Variants in CFAP263 observed in about 807,000 individuals in gnomAD.
The protein encoded by CFAP263 is cilia- and flagella-associated protein 263.
chr16:58,264,304 C>T, the CFAP263 span, among the ~76,000 whole-genome samples: 2 of 152,118 alleles, frequency 1.3e-5, no homozygotes, highest in Admixed American at 6.5e-5. Context: ...CCTGCCTGGT[C>T]CTGTGGGGGA....
chr16:58,281,062 C>T, the CFAP263 span: 1 of 330,250 alleles, frequency 3.0e-6, no homozygotes, highest in African/African-American at 2.1e-5. Context: ...CTTCTGGCTT[C>T]TCATTCCTGA....
At chr16:58,271,808 T>C in the CFAP263 span, among the ~76,000 whole-genome samples, 4 of 152,186 alleles carry the variant, frequency 2.6e-5, no homozygotes, top group African/African-American at 9.7e-5. Context: ...ATGGATAGTA[T>C]GTTATAGATT....
At chr16:58,273,919 C>A in the CFAP263 span, among the ~76,000 whole-genome samples, 1 of 152,212 alleles carries the variant, frequency 6.6e-6, no homozygotes, top group Non-Finnish European at 1.5e-5. Context: ...TGTTTCTCCT[C>A]ACATGGTACA....
the CFAP263 span, chr16:58,254,002 G>A: frequency 6.8e-6 from 11 of 1,613,952 alleles, no homozygotes; most frequent in African/African-American, 4.0e-5. Context: ...TTGCAGTTTC[G>A]AGGCAGGCGT....
chr16:58,267,489 A>G, the CFAP263 span: 4 of 1,612,508 alleles, frequency 2.5e-6, no homozygotes, highest in Non-Finnish European at 2.5e-6. Flanking sequence ...AGCAAGCTTC[A>G]CAAGGCAATG....
chr16:58,271,772 C>G, the CFAP263 span, among the ~76,000 whole-genome samples: 1 of 152,166 alleles, frequency 6.6e-6, no homozygotes, highest in Non-Finnish European at 1.5e-5. Context: ...CATGACTCAT[C>G]ATTGATGTGA....
the CFAP263 span, among the ~76,000 whole-genome samples, chr16:58,256,913 A>G: frequency 6.6e-6 from 1 of 151,982 alleles, no homozygotes; most frequent in African/African-American, 2.4e-5. Flanking sequence ...AAGCTAAAAG[A>G]ACATTTGAAA....
chr16:58,272,084 G>A, the CFAP263 span, among the ~76,000 whole-genome samples: 33 of 150,058 alleles, frequency 2.2e-4, no homozygotes, highest in South Asian at 2.8e-3. Context: ...GCGTGATCTC[G>A]GCTCACTGCA....
chr16:58,250,713 C>T, the CFAP263 span, among the ~76,000 whole-genome samples: 1 of 146,544 alleles, frequency 6.8e-6, no homozygotes, highest in Non-Finnish European at 1.5e-5. Flanking sequence ...TGCAGTGAGC[C>T]GAGATTGTGC....
chr16:58,264,813 TA>T, the CFAP263 span, among the ~76,000 whole-genome samples: 4 of 152,170 alleles, frequency 2.6e-5, no homozygotes, highest in South Asian at 6.2e-4. Flanking sequence ...AATAAAGAAA[TA>T]AATATCAAAC....
chr16:58,258,487 A>T, the CFAP263 span: 1 of 1,614,054 alleles, frequency 6.2e-7, no homozygotes, highest in South Asian at 1.1e-5. Context: ...CCACTCAGAA[A>T]GTGATGAAAT....
the CFAP263 span, chr16:58,279,599 A>G: frequency 9.4e-7 from 1 of 1,060,408 alleles, no homozygotes; most frequent in Non-Finnish European, 1.3e-6. Flanking sequence ...TGAGGGCTGC[A>G]TTCTCAGTAG....
At chr16:58,253,004 G>A in the CFAP263 span, 1 of 734,722 alleles carries the variant, frequency 1.4e-6, no homozygotes, top group South Asian at 1.8e-5. Context: ...GCCCTCTAGG[G>A]TTTCTCTTTC....
the CFAP263 span, among the ~76,000 whole-genome samples, chr16:58,277,201 TTACTGCAACCTC>T: frequency 6.6e-6 from 1 of 152,086 alleles, no homozygotes; most frequent in African/African-American, 2.4e-5. Context: ...TGATCTCGGC[TTACTGCAACCTC>T]CACCTCCAGG....
chr16:58,281,769 A>G, the CFAP263 span: 1 of 152,532 alleles, frequency 6.6e-6, no homozygotes, highest in Non-Finnish European at 1.5e-5. Context: ...CTGAACCACG[A>G]GCAGCAGAAA....
the CFAP263 span, among the ~76,000 whole-genome samples, chr16:58,256,620 A>G: frequency 2.0e-5 from 3 of 152,330 alleles, no homozygotes; most frequent in African/African-American, 7.2e-5. Context: ...TTGATGTCTT[A>G]GAAAGCTGGA....
the CFAP263 span, chr16:58,262,635 G>A: frequency 1.6e-6 from 2 of 1,216,240 alleles, no homozygotes; most frequent in Non-Finnish European, 2.3e-6. Flanking sequence ...GTTTCACACA[G>A]CGTTTGGGTG....
At chr16:58,262,612 C>A in the CFAP263 span, 1 of 1,420,622 alleles carries the variant, frequency 7.0e-7, no homozygotes, top group Non-Finnish European at 9.6e-7. Context: ...CAGGGAGGTT[C>A]TTGTGCATTC....
At chr16:58,280,030 C>G in the CFAP263 span, 2 of 642,854 alleles carry the variant, frequency 3.1e-6, no homozygotes, top group African/African-American at 3.7e-5. Flanking sequence ...ATTTAGTTCA[C>G]AAGCATAGTG....
Sources: gnomAD v4.1 joint callset for allele counts (sites outside exome capture counted in the v4.1 genomes callset) on GRCh38, gnomAD v4.1.1 for gene constraint, MANE v1.5 for transcripts, NCBI Gene and HGNC (gene_info 2026-07-23, HGNC 2026-07-21) for gene names.